ST8SIA1: variants seen among roughly 807,000 people sequenced by gnomAD.
The protein encoded by ST8SIA1 is ST8 alpha-N-acetyl-neuraminide alpha-2,8-sialyltransferase 1.
In ST8SIA1, 16 loss-of-function variants were observed where a neutral mutation model predicts 35.9. The observed-to-expected ratio is 0.45, with a 90% CI of 0.30 to 0.68. The LOEUF is 0.68. Among genes scored for constraint, ST8SIA1 ranks in the 30% least tolerant of loss-of-function variants. ST8SIA1 has a pLI of 0.09. For synonymous variants in ST8SIA1, 170 were observed against 169.6 expected (o/e 1.00, Z -0.02); for missense variants, 383 against 453.6 (o/e 0.84, Z 1.41).
intron 4 of ST8SIA1, among the ~76,000 whole-genome samples, chr12:22,245,714 G>A (rs555566967): frequency 1.7e-4 from 26 of 152,302 alleles, no homozygotes; most frequent in African/African-American, 5.8e-4. Context: ...CTTCAGAGTG[G>A]GGGGCTGGTC....
In ST8SIA1 at chr12:22,197,519, AT is replaced by A. The variant is rs1865003522; in HGVS notation, c.*4032del. On this transcript the variant is annotated 3_prime_UTR_variant, in exon 5 of 5. Transcript: ENST00000396037. ...CTGACTTTCTATTAATAATCAAAAA[AT>A]GTATATAATAAAGTTATAAAACTGG... 6.6e-6 allele frequency: 1 copy of A among 152,212 alleles called. No homozygotes were observed. The highest frequency in any genetic ancestry group is 1.5e-5 in the Non-Finnish European group (1 of 68,020). 9.4% of individuals were successfully genotyped at this position (152,212 alleles called of 1,614,324 possible).
intron 2 of ST8SIA1, among the ~76,000 whole-genome samples, chr12:22,269,855 T>C (rs1365114800): frequency 1.3e-5 from 2 of 152,208 alleles, no homozygotes; most frequent in Non-Finnish European, 2.9e-5. Context: ...ACTTATCTGA[T>C]ACATATAGCC....
chr12:22,215,262 C>A (rs540583172), intron 4 of ST8SIA1, among the ~76,000 whole-genome samples: 1 of 152,328 alleles, frequency 6.6e-6, no homozygotes, highest in Admixed American at 6.5e-5. Flanking sequence ...TCTTGTGTCA[C>A]CCATACTCTC....
At chr12:22,290,713 T>C (rs1025947998) in intron 1 of ST8SIA1, among the ~76,000 whole-genome samples, 1 of 152,156 alleles carries the variant, frequency 6.6e-6, no homozygotes, top group Admixed American at 6.5e-5. Context: ...TCTAGGAAAT[T>C]GTCAGATTAA....
In ST8SIA1 at chr12:22,334,374, G is replaced by T. The variant is rs3803101; in HGVS notation, c.-142C>A. On this transcript the variant is annotated 5_prime_UTR_variant, in exon 1 of 5. Transcript: ENST00000396037. ...CTTGCAAACGCACGCACGCTTCTTCGGCCCCGTCGGCCCCAAAGGTCAGCG... is the reference window on the plus strand; with the variant it reads ...CTTGCAAACGCACGCACGCTTCTTCTGCCCCGTCGGCCCCAAAGGTCAGCG... 119,654 of 633,376 alleles carry T rather than the reference G, an allele frequency of 0.19. 12,395 individuals carry two copies. Among genetic ancestry groups the T allele is most frequent in the Non-Finnish European group, 0.23 (85,662 of 366,650 alleles). The allele number at this position is 633,376 out of a possible 1,614,324, so 39.2% of individuals were successfully genotyped here. A position where few individuals can be genotyped will look rare whatever the true frequency, so the allele number is the denominator to read the frequency against.
intron 1 of ST8SIA1, among the ~76,000 whole-genome samples, chr12:22,333,296 G>C (rs1156896425): frequency 2.1e-4 from 32 of 152,268 alleles, no homozygotes; most frequent in Admixed American, 2.0e-3. Context: ...TGGGAGCTTT[G>C]GAGCTTTAAG....
intron 3 of ST8SIA1, among the ~76,000 whole-genome samples, chr12:22,249,529 TTTTTGTTTTGTTTTG>T (rs138699545): frequency 6.6e-6 from 1 of 151,878 alleles, no homozygotes; most frequent in Non-Finnish European, 1.5e-5. Context: ...CAGTAACTGT[TTTTTGTTTTGTTTTG>T]TTTTGTTTTG....
intron 2 of ST8SIA1, among the ~76,000 whole-genome samples, chr12:22,261,546 C>T (rs780110257): frequency 6.6e-6 from 1 of 152,080 alleles, no homozygotes; most frequent in South Asian, 2.1e-4. Flanking sequence ...GGACTAAGTA[C>T]AGATGAGATG....
rs1025070874 is a variant in ST8SIA1, at chr12:22,197,046, T to G, written c.*4506A>C. 1.3e-5 allele frequency: 2 copies of G among 152,180 alleles called. No individual in the cohort carries two copies. Among genetic ancestry groups the G allele is most frequent in the Non-Finnish European group, 2.9e-5 (2 of 68,052 alleles). The allele number at this position is 152,180 out of a possible 1,614,324, so 9.4% of individuals were successfully genotyped here. A position where few individuals can be genotyped will look rare whatever the true frequency, so the allele number is the denominator to read the frequency against. ...CTTGCCTCACCCTCCTCCTAGCACA[T>G]AGTGGAATGAAGTTGCTAGTTATGT... On this transcript the variant is annotated 3_prime_UTR_variant, in exon 5 of 5. Coordinates refer to ENST00000396037, the MANE Select transcript of ST8SIA1 (RefSeq NM_003034.4).
At chr12:22,284,876 C>A (rs1277142505) in intron 2 of ST8SIA1, among the ~76,000 whole-genome samples, 1 of 152,114 alleles carries the variant, frequency 6.6e-6, no homozygotes, top group Admixed American at 6.5e-5. Context: ...CCTTTTAAAT[C>A]TATTTTCTAA....
chr12:22,313,637 G>A (rs1229685742), intron 1 of ST8SIA1, among the ~76,000 whole-genome samples: 2 of 152,126 alleles, frequency 1.3e-5, no homozygotes, highest in South Asian at 2.1e-4. Context: ...TCACTGGAAC[G>A]TATACTTAAT....
chr12:22,330,772 T>C (rs1419391707), intron 1 of ST8SIA1, among the ~76,000 whole-genome samples: 1 of 152,210 alleles, frequency 6.6e-6, no homozygotes, highest in Non-Finnish European at 1.5e-5. Flanking sequence ...CTATTATTGT[T>C]ACCATGTCAG....
chr12:22,260,438 A>G (rs922847329), intron 2 of ST8SIA1, among the ~76,000 whole-genome samples: 1 of 152,194 alleles, frequency 6.6e-6, no homozygotes, highest in Admixed American at 6.5e-5. Context: ...GAGATAAGGC[A>G]TGAGCCACCG....
At chr12:22,231,096 A>G (rs1865414679) in intron 4 of ST8SIA1, among the ~76,000 whole-genome samples, 1 of 148,732 alleles carries the variant, frequency 6.7e-6, no homozygotes, top group Non-Finnish European at 1.5e-5. Flanking sequence ...ATATATAATT[A>G]TATACTTTAT....
rs533682172 is a variant in ST8SIA1, at chr12:22,200,000, T to C, written c.*1552A>G. The C allele has an allele frequency of 2.6e-5, 4 of 152,224 alleles. No homozygotes were observed. The highest frequency in any genetic ancestry group is 5.9e-5 in the Non-Finnish European group (4 of 68,038). 9.4% of individuals were successfully genotyped at this position (152,224 alleles called of 1,614,324 possible). A position where few individuals can be genotyped will look rare whatever the true frequency, so the allele number is the denominator to read the frequency against. On this transcript the variant is annotated 3_prime_UTR_variant, in exon 5 of 5. Coordinates refer to ENST00000396037, the MANE Select transcript of ST8SIA1 (RefSeq NM_003034.4). The stretch of plus-strand genomic sequence containing the variant: ...CATTTGGCTGCTTGTAATCTGTCAG[T>C]AGAGTTTTCTTACTGTGTATCAAAG...
At chr12:22,287,417 C>G in intron 1 of ST8SIA1, 124 bp from the exon 2 acceptor site, 1 of 901,712 alleles carries the variant, frequency 1.1e-6, no homozygotes, top group Non-Finnish European at 1.6e-6. Context: ...AGCATAGCAT[C>G]TCCAGGGTGA....
intron 2 of ST8SIA1, among the ~76,000 whole-genome samples, chr12:22,258,937 G>C (rs1865756154): frequency 6.6e-6 from 1 of 152,158 alleles, no homozygotes. Context: ...TGGAAGGTAG[G>C]CTGTCAAACC....
At chr12:22,202,264 G>A (rs1865056428) in intron 4 of ST8SIA1, among the ~76,000 whole-genome samples, 1 of 152,154 alleles carries the variant, frequency 6.6e-6, no homozygotes, top group Non-Finnish European at 1.5e-5. Context: ...GTTAACATTT[G>A]TTAATGGGGC....
At chr12:22,271,470 C>T (rs1054517646) in intron 2 of ST8SIA1, among the ~76,000 whole-genome samples, 1 of 152,168 alleles carries the variant, frequency 6.6e-6, no homozygotes, top group Non-Finnish European at 1.5e-5. Flanking sequence ...ACAATTACAG[C>T]ATCAGAGGAT....
Sources: gnomAD v4.1 joint callset for allele counts (sites outside exome capture counted in the v4.1 genomes callset) on GRCh38, gnomAD v4.1.1 for gene constraint, MANE v1.5 for transcripts, NCBI Gene and HGNC (gene_info 2026-07-23, HGNC 2026-07-21) for gene names.